DCBLD2: variants seen among roughly 807,000 people sequenced by gnomAD.
DCBLD2 encodes the protein discoidin, CUB and LCCL domain-containing protein 2.
Under a neutral mutation model 86.8 loss-of-function variants are expected in DCBLD2, and 54 were observed. The ratio of observed to expected loss-of-function variants is 0.62; its 90% confidence interval spans 0.50 to 0.78. The LOEUF (loss-of-function observed/expected upper bound fraction) is 0.78, where lower values mean the gene tolerates loss of function less well. DCBLD2 is among the 30% of genes least tolerant of loss of function. DCBLD2 has a pLI of 0.00. For synonymous variants in DCBLD2, 354 were observed against 341.3 expected, an observed-to-expected ratio of 1.04 and a Z score of -0.41; for missense variants, 908 against 954.2, an observed-to-expected ratio of 0.95 and a Z score of 0.64.
chr3:98,879,310 T>C (rs1226804303), intron 2 of DCBLD2, among the ~76,000 whole-genome samples: 6 of 152,202 alleles, frequency 3.9e-5, no homozygotes, highest in African/African-American at 1.4e-4. Flanking sequence ...AACTTAAAAA[T>C]AATTTTAACA....
At chr3:98,845,668 G>A (rs75637463) in intron 3 of DCBLD2, among the ~76,000 whole-genome samples, 79 of 152,238 alleles carry the variant, frequency 5.2e-4, no homozygotes, top group African/African-American at 1.8e-3. Context: ...CAGCTTCCAT[G>A]CACTCTTAGG....
At chr3:98,842,849 T>G (rs1282108755) in intron 3 of DCBLD2, among the ~76,000 whole-genome samples, 1 of 152,112 alleles carries the variant, frequency 6.6e-6, no homozygotes, top group Admixed American at 6.6e-5. Flanking sequence ...CTACACAGTA[T>G]CTAGGAAGCT....
intron 1 of DCBLD2, among the ~76,000 whole-genome samples, chr3:98,893,281 A>T (rs968072892): frequency 2.0e-5 from 3 of 152,080 alleles, no homozygotes; most frequent in African/African-American, 4.8e-5. Flanking sequence ...ATTTTAAAAT[A>T]TTTAGAGTAG....
At chr3:98,865,441 A>T (rs1943125469) in intron 2 of DCBLD2, among the ~76,000 whole-genome samples, 1 of 152,208 alleles carries the variant, frequency 6.6e-6, no homozygotes. Flanking sequence ...CAGAGAGTAG[A>T]ACGGGTTGAA....
chr3:98,873,972 G>A lies in DCBLD2; in HGVS notation c.433+7568C>T, dbSNP rs138414912. On this transcript the variant is annotated intron_variant, in intron 2 of 15. Transcript: ENST00000326840. ...AAGATTCTATTTTACAGACATCATGGCCAATATATTAGATCACCTAGGTGA... is the reference window on the plus strand; with the variant it reads ...AAGATTCTATTTTACAGACATCATGACCAATATATTAGATCACCTAGGTGA... 6.2e-3 allele frequency among the ~76,000 whole-genome samples: 948 copies of A among 152,214 alleles called. 9 individuals are homozygous for A. Among genetic ancestry groups the A allele is most frequent in the African/African-American group, 0.022 (897 of 41,534 alleles).
intron 9 of DCBLD2, among the ~76,000 whole-genome samples, chr3:98,817,410 T>G (rs560951160): frequency 6.6e-6 from 1 of 152,244 alleles, no homozygotes; most frequent in Non-Finnish European, 1.5e-5. Context: ...GCCTACAGAG[T>G]AGAAATCTGG....
chr3:98,868,961 A>G (rs1249468507), intron 2 of DCBLD2, among the ~76,000 whole-genome samples: 2 of 152,164 alleles, frequency 1.3e-5, no homozygotes, highest in Non-Finnish European at 2.9e-5. Flanking sequence ...ATATAATGAC[A>G]TATTTTCCTT....
At chr3:98,806,600 A>G (rs149312116) in intron 13 of DCBLD2, among the ~76,000 whole-genome samples, 2 of 152,196 alleles carry the variant, frequency 1.3e-5, no homozygotes, top group African/African-American at 2.4e-5. Flanking sequence ...TTTGCATTGC[A>G]TCCGTTCCTA....
At chr3:98,828,735 C>T (rs547940453) in intron 3 of DCBLD2, among the ~76,000 whole-genome samples, 1 of 152,190 alleles carries the variant, frequency 6.6e-6, no homozygotes, top group South Asian at 2.1e-4. Flanking sequence ...AACCTATGTC[C>T]CCACCAACAT....
At chr3:98,804,752 C>G (rs982380721) in intron 13 of DCBLD2, among the ~76,000 whole-genome samples, 3 of 152,164 alleles carry the variant, frequency 2.0e-5, no homozygotes, top group Non-Finnish European at 4.4e-5. Flanking sequence ...TGTCTTTGCT[C>G]TCATTGGTTT....
chr3:98,825,229 A>T, intron 4 of DCBLD2, 86 bp downstream of exon 4: 1 of 1,020,344 alleles, frequency 9.8e-7, no homozygotes, highest in South Asian at 1.8e-5. Context: ...CATTAACCCT[A>T]AGAGTATACA....
intron 3 of DCBLD2, among the ~76,000 whole-genome samples, chr3:98,827,557 G>C (rs778408278): frequency 3.9e-5 from 6 of 152,174 alleles, no homozygotes; most frequent in Non-Finnish European, 8.8e-5. Flanking sequence ...CACTAAAGTT[G>C]CTCTCAAATT....
intron 3 of DCBLD2, among the ~76,000 whole-genome samples, chr3:98,845,971 T>C (rs1164872705): frequency 6.6e-6 from 1 of 152,238 alleles, no homozygotes; most frequent in Non-Finnish European, 1.5e-5. Flanking sequence ...TTGGTGATTC[T>C]TTCACCATAC....
At chr3:98,843,017 A>C (rs1177820123) in intron 3 of DCBLD2, among the ~76,000 whole-genome samples, 1 of 152,216 alleles carries the variant, frequency 6.6e-6, no homozygotes, top group Non-Finnish European at 1.5e-5. Context: ...CTTCAGGTTT[A>C]TCTAACAGCT....
At chr3:98,894,040 A>C (rs1943708754) in intron 1 of DCBLD2, among the ~76,000 whole-genome samples, 1 of 152,162 alleles carries the variant, frequency 6.6e-6, no homozygotes, top group Non-Finnish European at 1.5e-5. Context: ...GGATTATCAC[A>C]TGGGCCCAAG....
intron 2 of DCBLD2, among the ~76,000 whole-genome samples, chr3:98,852,125 C>T (rs1274073348): frequency 6.6e-6 from 1 of 152,204 alleles, no homozygotes; most frequent in Non-Finnish European, 1.5e-5. Flanking sequence ...TATTCCCCTT[C>T]TCCCCAGCAG....
chr3:98,838,147 A>AC (rs554016235), intron 3 of DCBLD2, among the ~76,000 whole-genome samples: 15,045 of 64,830 alleles, frequency 0.23, 35 homozygotes, highest in Non-Finnish European at 0.27. Flanking sequence ...CGGGGGGCTG[A>AC]CCCCCCCCAC....
intron 3 of DCBLD2, among the ~76,000 whole-genome samples, chr3:98,841,639 T>C (rs557093514): frequency 3.9e-5 from 6 of 152,348 alleles, no homozygotes; most frequent in African/African-American, 9.6e-5. Context: ...TTTTGTGTTC[T>C]TGAATGAATT....
intron 2 of DCBLD2, among the ~76,000 whole-genome samples, chr3:98,859,866 T>A (rs1182379524): frequency 6.6e-6 from 1 of 152,208 alleles, no homozygotes; most frequent in Non-Finnish European, 1.5e-5. Flanking sequence ...GGAACAAAGC[T>A]GGACGGAGAA....
Sources: gnomAD v4.1 joint callset for allele counts (sites outside exome capture counted in the v4.1 genomes callset) on GRCh38, gnomAD v4.1.1 for gene constraint, MANE v1.5 for transcripts, NCBI Gene and HGNC (gene_info 2026-07-23, HGNC 2026-07-21) for gene names.